Variants in GBE1 observed in about 807,000 individuals in gnomAD.
GBE1 encodes 1,4-alpha-glucan-branching enzyme.
GBE1 carries 70 observed loss-of-function variants against 88.8 expected under a neutral mutation model. The observed-to-expected ratio is 0.79, with a 90% confidence interval of 0.65 to 0.96. The LOEUF is 0.96. Among genes scored for constraint, GBE1 ranks in the 40% least tolerant of loss-of-function variants. The probability of loss-of-function intolerance (pLI) is 0.00; values close to 1 mark genes in which losing one functional copy is unlikely to be tolerated. For missense variants in GBE1, 872 were observed against 871.0 expected, an observed-to-expected ratio of 1.00 and a Z score of -0.01; for synonymous variants, 284 against 300.1, an observed-to-expected ratio of 0.95 and a Z score of 0.56.
chr3:81,760,663 T>C (rs974490119), intron 1 of GBE1, among the ~76,000 whole-genome samples: 3 of 152,230 alleles, frequency 2.0e-5, no homozygotes, highest in Admixed American at 6.5e-5. Flanking sequence ...ACTAAAGTTG[T>C]ATGGTACACA....
intron 12 of GBE1, among the ~76,000 whole-genome samples, chr3:81,573,830 G>A (rs1301285064): frequency 6.6e-6 from 1 of 151,152 alleles, no homozygotes; most frequent in African/African-American, 2.4e-5. Context: ...CATAAAAACA[G>A]TAAATTTCAT....
At chr3:81,601,625 C>T (rs9849214) in intron 7 of GBE1, among the ~76,000 whole-genome samples, 22,625 of 151,976 alleles carry the variant, frequency 0.15, 1,891 homozygotes, top group Non-Finnish European at 0.2. Flanking sequence ...ACTGCCAATC[C>T]ATGAGAGTTC....
chr3:81,576,535 T>C (rs1703649265), intron 12 of GBE1, among the ~76,000 whole-genome samples: 1 of 152,228 alleles, frequency 6.6e-6, no homozygotes. Flanking sequence ...CATCAGGATA[T>C]AGTTACATAA....
chr3:81,643,582 C>T (rs1426765159), intron 6 of GBE1, among the ~76,000 whole-genome samples: 1 of 152,140 alleles, frequency 6.6e-6, no homozygotes, highest in Admixed American at 6.6e-5. Flanking sequence ...AAAAATTACT[C>T]ACAGAAGAAT....
intron 2 of GBE1, among the ~76,000 whole-genome samples, chr3:81,674,010 G>C (rs1705222391): frequency 1.3e-5 from 2 of 151,858 alleles, no homozygotes; most frequent in Non-Finnish European, 2.9e-5. Context: ...GAGAAAGAAG[G>C]TCTGCAAGCA....
At position 81,601,698 on chromosome 3, in the gene GBE1, G is replaced by T. The variant is rs1704034617; in HGVS notation, c.993-7675C>A. Among the ~76,000 whole-genome samples, 4 of 152,120 alleles carry T rather than the reference G, an allele frequency of 2.6e-5. No individual in the cohort carries two copies. The South Asian group carries it at 6.2e-4, about 24-fold the overall frequency. On this transcript the variant is annotated intron_variant, in intron 7 of 15. Coordinates refer to ENST00000429644, the MANE Select transcript of GBE1 (RefSeq NM_000158.4). ...ATATTACATATAAATTACATTTATGGCTGTAATATATCAATGTGTTCTATT... is the reference window on the plus strand; with the variant it reads ...ATATTACATATAAATTACATTTATGTCTGTAATATATCAATGTGTTCTATT...
intron 14 of GBE1, among the ~76,000 whole-genome samples, chr3:81,532,576 T>C (rs1192614528): frequency 6.6e-6 from 1 of 152,084 alleles, no homozygotes; most frequent in East Asian, 1.9e-4. Context: ...CCAATCTCTT[T>C]CCTCATGAAA....
intron 12 of GBE1, among the ~76,000 whole-genome samples, chr3:81,555,135 G>C (rs961417757): frequency 1.3e-5 from 2 of 152,202 alleles, no homozygotes; most frequent in Non-Finnish European, 2.9e-5. Context: ...GCTTGCTTCA[G>C]CTCTCTCGCT....
chr3:81,535,440 A>T (rs751373543), intron 13 of GBE1, 115 bp from the exon 14 acceptor site: 31 of 961,590 alleles, frequency 3.2e-5, no homozygotes, highest in Non-Finnish European at 4.6e-5. Flanking sequence ...AGTATTTCAG[A>T]ACACTATATT....
At chr3:81,598,611 T>C (rs895964001) in intron 7 of GBE1, among the ~76,000 whole-genome samples, 4 of 152,056 alleles carry the variant, frequency 2.6e-5, no homozygotes, top group Admixed American at 1.3e-4. Context: ...ACTCAGCCAA[T>C]TGGAATTAAG....
At chr3:81,629,717 T>TTTA (rs963603978) in intron 7 of GBE1, among the ~76,000 whole-genome samples, 9 of 151,788 alleles carry the variant, frequency 5.9e-5, no homozygotes, top group Middle Eastern at 6.4e-3. Flanking sequence ...TTATATATTT[T>TTTA]TTATTATTAT....
chr3:81,539,890 GT>G (rs1312263618), intron 12 of GBE1, among the ~76,000 whole-genome samples: 1 of 151,852 alleles, frequency 6.6e-6, no homozygotes, highest in Non-Finnish European at 1.5e-5. Context: ...TAAAAATAAG[GT>G]ACTGAAACTC....
intron 1 of GBE1, among the ~76,000 whole-genome samples, chr3:81,736,748 G>C (rs1045235885): frequency 1.3e-5 from 2 of 152,112 alleles, no homozygotes; most frequent in Non-Finnish European, 2.9e-5. Flanking sequence ...TCTCAAATCA[G>C]AATTTTTAAC....
intron 12 of GBE1, among the ~76,000 whole-genome samples, chr3:81,540,251 A>C (rs1703127323): frequency 6.6e-6 from 1 of 152,148 alleles, no homozygotes; most frequent in South Asian, 2.1e-4. Flanking sequence ...TCACCAAGGA[A>C]GGCTGTTAAA....
chr3:81,660,902 C>T (rs1258440617), intron 3 of GBE1, among the ~76,000 whole-genome samples: 2 of 152,092 alleles, frequency 1.3e-5, no homozygotes, highest in Admixed American at 1.3e-4. Context: ...TTCCTGTAGG[C>T]ATACCTTTAT....
chr3:81,493,263 G>A (rs1336280226), intron 15 of GBE1, among the ~76,000 whole-genome samples: 1 of 152,188 alleles, frequency 6.6e-6, no homozygotes, highest in East Asian at 1.9e-4. Flanking sequence ...CAGGTAAAAA[G>A]ACCCTGATAA....
intron 1 of GBE1, among the ~76,000 whole-genome samples, chr3:81,741,148 T>C (rs1458786527): frequency 6.6e-6 from 1 of 152,188 alleles, no homozygotes; most frequent in Non-Finnish European, 1.5e-5. Context: ...ACCGTCTATA[T>C]AAAAACATCT....
At chr3:81,630,268 A>G (rs1191256969) in intron 7 of GBE1, among the ~76,000 whole-genome samples, 1 of 152,188 alleles carries the variant, frequency 6.6e-6, no homozygotes, top group African/African-American at 2.4e-5. Context: ...GAAATAAAAG[A>G]GGATACAAAC....
intron 7 of GBE1, chr3:81,612,171 G>A (rs746410001): frequency 5.4e-5 from 16 of 297,290 alleles, no homozygotes; most frequent in Admixed American, 3.3e-4. Flanking sequence ...TCAAGATTAC[G>A]TATCTACTAA....
Sources: gnomAD v4.1 joint callset for allele counts (sites outside exome capture counted in the v4.1 genomes callset) on GRCh38, gnomAD v4.1.1 for gene constraint, MANE v1.5 for transcripts, NCBI Gene and HGNC (gene_info 2026-07-23, HGNC 2026-07-21) for gene names.